The following ROBO2 variants were observed in gnomAD, a reference collection of about 807,000 sequenced individuals.
The protein encoded by ROBO2 is roundabout guidance receptor 2.
ROBO2 carries 53 observed loss-of-function variants against 160.8 expected under a neutral mutation model. The observed-to-expected ratio is 0.33, with a 90% CI of 0.26 to 0.41. The LOEUF (loss-of-function observed/expected upper bound fraction) is 0.41. Ranked by LOEUF, ROBO2 falls within the 10% of genes least tolerant of loss-of-function variation. The probability of loss-of-function intolerance (pLI) is 1.00; values close to 1 mark genes in which losing one functional copy is unlikely to be tolerated. For missense variants in ROBO2, 1,577 were observed against 1,722.4 expected, an observed-to-expected ratio of 0.92 and a Z score of 1.49; for synonymous variants, 664 against 611.7, an observed-to-expected ratio of 1.09 and a Z score of -1.26.
At chr3:75,906,895 GC>G (rs1946368418) in exon 1 of ROBO2, 1 of 152,352 alleles carries the variant, frequency 6.6e-6, no homozygotes, top group Admixed American at 6.5e-5. Flanking sequence ...CACGGACGCT[GC>G]GGAGCTTCCC....
chr3:77,099,675 G>C (rs1468502494), intron 2 of ROBO2, among the ~76,000 whole-genome samples: 1 of 151,962 alleles, frequency 6.6e-6, no homozygotes, highest in African/African-American at 2.4e-5. Flanking sequence ...TCTAATTTTG[G>C]AAACTTTTCA....
At chr3:76,914,365 C>T (rs1266920400) in intron 2 of ROBO2, among the ~76,000 whole-genome samples, 2 of 152,112 alleles carry the variant, frequency 1.3e-5, no homozygotes, top group Non-Finnish European at 2.9e-5. Flanking sequence ...AATACAATCT[C>T]AGAATTTCCC....
At chr3:76,919,018 A>G (rs2076502291) in intron 2 of ROBO2, among the ~76,000 whole-genome samples, 1 of 149,654 alleles carries the variant, frequency 6.7e-6, no homozygotes. Flanking sequence ...TTAATGGGCT[A>G]TTTGTTTCTT....
chr3:77,498,711 G>A (rs1389920058), intron 5 of ROBO2, among the ~76,000 whole-genome samples: 1 of 151,860 alleles, frequency 6.6e-6, no homozygotes, highest in Non-Finnish European at 1.5e-5. Flanking sequence ...ATTGTTTAGA[G>A]CATGTGCTTC....
At chr3:76,237,965 G>C (rs749525345) in intron 2 of ROBO2, among the ~76,000 whole-genome samples, 1 of 152,150 alleles carries the variant, frequency 6.6e-6, no homozygotes, top group Admixed American at 6.5e-5. Context: ...GGGGACCTGG[G>C]CTATGTGGAG....
At chr3:76,023,201 T>C (rs1365038826) in intron 2 of ROBO2, among the ~76,000 whole-genome samples, 3 of 151,710 alleles carry the variant, frequency 2.0e-5, no homozygotes, top group African/African-American at 7.2e-5. Flanking sequence ...ATTCTTCATA[T>C]CAGCGACAAG....
chr3:76,088,344 G>C (rs1001800503), intron 2 of ROBO2, among the ~76,000 whole-genome samples: 1 of 152,132 alleles, frequency 6.6e-6, no homozygotes, highest in Admixed American at 6.6e-5. Context: ...TAAGGACATA[G>C]ATGTACAGCA....
At chr3:77,229,215 T>C (rs2086860624) in intron 2 of ROBO2, among the ~76,000 whole-genome samples, 1 of 152,182 alleles carries the variant, frequency 6.6e-6, no homozygotes, top group Non-Finnish European at 1.5e-5. Flanking sequence ...GATTATTATA[T>C]GTACATTACC....
At chr3:77,175,219 T>C (rs1398189237) in intron 2 of ROBO2, among the ~76,000 whole-genome samples, 2 of 152,082 alleles carry the variant, frequency 1.3e-5, no homozygotes, top group Admixed American at 1.3e-4. Flanking sequence ...GGCTCCAGGT[T>C]CTGTGCCTGG....
At chr3:77,152,583 T>C (rs2077640552) in intron 2 of ROBO2, among the ~76,000 whole-genome samples, 1 of 152,206 alleles carries the variant, frequency 6.6e-6, no homozygotes. Context: ...GTGAGTATGT[T>C]CGTTGTATCA....
rs1483918715 is a variant in ROBO2, at chr3:77,164,924, C to A, written c.388+66584C>A. Among the ~76,000 whole-genome samples, 7 of 113,568 alleles carry A rather than the reference C, an allele frequency of 6.2e-5. No homozygotes were observed. In the East Asian group the frequency reaches 1.6e-3, roughly 26 times the overall value. The allele number at this position is 113,568 out of a possible 152,430, so 74.5% of individuals were successfully genotyped here. On this transcript the variant is annotated intron_variant, in intron 2 of 25. Coordinates refer to ENST00000461745, the Ensembl canonical transcript of ROBO2. Reference sequence around the variant, plus strand: ...CCCCCGCCCGGCCAGCCGCCCCGTCCGGGAGGGAGGTGGGGGCGGTCAGCC... The same window carrying A: ...CCCCCGCCCGGCCAGCCGCCCCGTCAGGGAGGGAGGTGGGGGCGGTCAGCC...
intron 2 of ROBO2, among the ~76,000 whole-genome samples, chr3:76,847,841 A>T (rs566411550): frequency 6.6e-5 from 10 of 152,128 alleles, no homozygotes; most frequent in Non-Finnish European, 1.5e-4. Flanking sequence ...TCTTAGCAAG[A>T]ATTGTAATTT....
At chr3:77,598,512 C>CATATATATATATGTGTATATATATAT (rs1559695949) in intron 19 of ROBO2, among the ~76,000 whole-genome samples, 4 of 113,042 alleles carry the variant, frequency 3.5e-5, no homozygotes, top group Non-Finnish European at 7.4e-5. Context: ...TACGCACACA[C>CATATATATATATGTGTATATATATAT]ATATATATAT....
At chr3:76,124,941 A>G (rs1440351508) in intron 2 of ROBO2, among the ~76,000 whole-genome samples, 1 of 152,154 alleles carries the variant, frequency 6.6e-6, no homozygotes, top group Non-Finnish European at 1.5e-5. Flanking sequence ...TATGGATCCC[A>G]TCACCCAGGT....
intron 2 of ROBO2, among the ~76,000 whole-genome samples, chr3:77,025,979 G>A (rs762034673): frequency 5.9e-5 from 9 of 152,050 alleles, no homozygotes; most frequent in African/African-American, 2.2e-4. Context: ...CATTCATTAC[G>A]ATTGCCACCA....
chr3:76,821,080 A>G (rs950870164), intron 2 of ROBO2, among the ~76,000 whole-genome samples: 1 of 151,988 alleles, frequency 6.6e-6, no homozygotes, highest in Admixed American at 6.6e-5. Context: ...AACATGTTCT[A>G]TCATAATTTT....
At chr3:77,417,029 G>T (rs2077291358) in intron 2 of ROBO2, among the ~76,000 whole-genome samples, 1 of 152,064 alleles carries the variant, frequency 6.6e-6, no homozygotes, top group Non-Finnish European at 1.5e-5. Flanking sequence ...TAAAGTCTAG[G>T]ATTTGTTTCT....
intron 2 of ROBO2, among the ~76,000 whole-genome samples, chr3:77,200,298 TATATATATATATATATATATA>T (rs2082752711): frequency 1.3e-5 from 1 of 79,810 alleles, no homozygotes; most frequent in Non-Finnish European, 2.5e-5. Flanking sequence ...TATATATATA[TATATATATATATATATATATA>T]TATTTTAGTT....
At chr3:77,349,299 C>T (rs1560591892) in intron 2 of ROBO2, among the ~76,000 whole-genome samples, 2 of 152,046 alleles carry the variant, frequency 1.3e-5, no homozygotes, top group East Asian at 1.9e-4. Context: ...ACATCTTGCC[C>T]AGGGTCACAA....
Sources: gnomAD v4.1 joint callset for allele counts (sites outside exome capture counted in the v4.1 genomes callset) on GRCh38, gnomAD v4.1.1 for gene constraint, MANE v1.5 for transcripts, NCBI Gene and HGNC (gene_info 2026-07-23, HGNC 2026-07-21) for gene names.